The following SYT1 variants were observed in gnomAD, a reference collection of about 807,000 sequenced individuals.
SYT1 encodes synaptotagmin 1.
Under a neutral mutation model 44.8 loss-of-function variants are expected in SYT1, and 8 were observed. The ratio of observed to expected loss-of-function variants is 0.18; its 90% CI spans 0.10 to 0.32. The LOEUF is 0.32. Ranked by LOEUF, SYT1 falls within the 10% of genes least tolerant of loss-of-function variation. SYT1 has a pLI of 1.00. For missense variants in SYT1, 286 were observed against 509.3 expected (o/e 0.56, Z 4.22); for synonymous variants, 154 against 188.8 (o/e 0.82, Z 1.51).
At chr12:79,121,154 T>A (rs1879581299) in intron 3 of SYT1, among the ~76,000 whole-genome samples, 1 of 152,036 alleles carries the variant, frequency 6.6e-6, no homozygotes, top group South Asian at 2.1e-4. Flanking sequence ...AACCCCTGCC[T>A]TCTGTCTTCC....
intron 2 of SYT1, among the ~76,000 whole-genome samples, chr12:78,991,214 A>G (rs1869988139): frequency 6.6e-6 from 1 of 152,114 alleles, no homozygotes; most frequent in South Asian, 2.1e-4. Flanking sequence ...GGGAATATAT[A>G]ACATTAAAAG....
At chr12:79,348,421 T>A (rs1006912576) in intron 8 of SYT1, among the ~76,000 whole-genome samples, 1 of 152,170 alleles carries the variant, frequency 6.6e-6, no homozygotes, top group Non-Finnish European at 1.5e-5. Flanking sequence ...GGATGTTTGG[T>A]CACCCTACTT....
chr12:78,885,319 A>AGAAGGAAGGAGG (rs1555177664), intron 1 of SYT1, among the ~76,000 whole-genome samples: 18 of 142,530 alleles, frequency 1.3e-4, no homozygotes, highest in South Asian at 4.9e-4. Flanking sequence ...GAGGGAGGGA[A>AGAAGGAAGGAGG]GAAGGAAGGA....
chr12:79,099,337 A>G (rs1236906799), intron 3 of SYT1, among the ~76,000 whole-genome samples: 1 of 152,180 alleles, frequency 6.6e-6, no homozygotes, highest in Non-Finnish European at 1.5e-5. Flanking sequence ...TTTTGTCTAA[A>G]CATTATTTAT....
intron 1 of SYT1, among the ~76,000 whole-genome samples, chr12:78,949,951 G>A (rs937045921): frequency 3.9e-5 from 6 of 151,914 alleles, no homozygotes; most frequent in Admixed American, 1.3e-4. Flanking sequence ...ATAAATGTTT[G>A]TACATAGCAG....
intron 4 of SYT1, among the ~76,000 whole-genome samples, chr12:79,255,858 G>A (rs538162820): frequency 6.6e-6 from 1 of 152,232 alleles, no homozygotes; most frequent in East Asian, 1.9e-4. Context: ...TATTGTAGTG[G>A]ATAATGTGGA....
At chr12:79,179,704 G>A (rs1363008328) in intron 3 of SYT1, among the ~76,000 whole-genome samples, 1 of 151,666 alleles carries the variant, frequency 6.6e-6, no homozygotes, top group African/African-American at 2.4e-5. Flanking sequence ...ACAGGCGGGA[G>A]CCACCATGCC....
chr12:79,053,358 G>T (rs1398269014), intron 3 of SYT1, among the ~76,000 whole-genome samples: 1 of 152,156 alleles, frequency 6.6e-6, no homozygotes, highest in South Asian at 2.1e-4. Context: ...GGACTGTTGT[G>T]GGGTGGGGGG....
At chr12:79,245,810 G>C (rs530629820) in intron 4 of SYT1, among the ~76,000 whole-genome samples, 1 of 151,554 alleles carries the variant, frequency 6.6e-6, no homozygotes, top group African/African-American at 2.4e-5. Flanking sequence ...TTCAGTTCTA[G>C]AAATGTTTAA....
chr12:79,238,076 G>C (rs1353230523), intron 4 of SYT1, among the ~76,000 whole-genome samples: 2 of 152,180 alleles, frequency 1.3e-5, no homozygotes, highest in Admixed American at 1.3e-4. Flanking sequence ...ATTCCACACT[G>C]AATGAGGTAT....
intron 1 of SYT1, among the ~76,000 whole-genome samples, chr12:78,929,275 GCCTGTAGT>G (rs936074318): frequency 2.0e-5 from 3 of 151,120 alleles, no homozygotes; most frequent in African/African-American, 7.3e-5. Context: ...GGCAGCACAT[GCCTGTAGT>G]CCCAGCTACT....
At chr12:79,377,848 A>T (rs949074701) in intron 9 of SYT1, among the ~76,000 whole-genome samples, 5 of 152,224 alleles carry the variant, frequency 3.3e-5, no homozygotes, top group African/African-American at 1.2e-4. Context: ...TTAGGGACAT[A>T]TTAAGCCTAT....
intron 3 of SYT1, among the ~76,000 whole-genome samples, chr12:79,171,701 C>T (rs1871533561): frequency 6.6e-6 from 1 of 151,822 alleles, no homozygotes; most frequent in Non-Finnish European, 1.5e-5. Flanking sequence ...ATGATTAGAA[C>T]CATAAGTTCT....
At chr12:79,314,934 G>A (rs1472168956) in intron 8 of SYT1, among the ~76,000 whole-genome samples, 1 of 152,134 alleles carries the variant, frequency 6.6e-6, no homozygotes, top group East Asian at 1.9e-4. Context: ...AGCCAAAATA[G>A]GCAAATCCAC....
chr12:79,048,048 A>G (rs1514922), intron 3 of SYT1, among the ~76,000 whole-genome samples: 7,602 of 151,990 alleles, frequency 0.05, 278 homozygotes, highest in Non-Finnish European at 0.079. Context: ...GAATATGAAG[A>G]ACAATAACAT....
At chr12:79,379,343 A>G (rs1364798894) in intron 9 of SYT1, among the ~76,000 whole-genome samples, 1 of 152,088 alleles carries the variant, frequency 6.6e-6, no homozygotes, top group Non-Finnish European at 1.5e-5. Context: ...ATTTCTGGGT[A>G]ATGATTCAAG....
At chr12:79,191,866 G>A (rs762035451) in intron 3 of SYT1, among the ~76,000 whole-genome samples, 96 of 151,992 alleles carry the variant, frequency 6.3e-4, no homozygotes, top group Admixed American at 1.7e-3. Context: ...AAATGGTGAC[G>A]GCCATGAGCA....
At chr12:79,310,684 A>G (rs953449252) in intron 8 of SYT1, among the ~76,000 whole-genome samples, 9 of 152,052 alleles carry the variant, frequency 5.9e-5, no homozygotes, top group African/African-American at 1.7e-4. Flanking sequence ...ATCCTCTTTT[A>G]TTTCATTGAG....
Position 79,196,711 on chromosome 12 carries a change from G to A in SYT1, c.-17-20792G>A, listed in dbSNP as rs139582484. Among the ~76,000 whole-genome samples, 105 of 152,200 alleles carry A rather than the reference G, an allele frequency of 6.9e-4. 3 individuals carry two copies. In the East Asian group the frequency reaches 0.017, roughly 24 times the overall value. ...GTGATTGATTGATAGTTTCCCTCTT[G>A]TTGCTACATACAGCCCAATGACATG... is the stretch of plus-strand genomic sequence containing the variant. On this transcript the variant is annotated intron_variant, in intron 3 of 10. Coordinates refer to ENST00000261205, the MANE Select transcript of SYT1 (RefSeq NM_005639.3).
Sources: allele counts gnomAD v4.1 joint callset (sites outside exome capture counted in the v4.1 genomes callset), GRCh38; gene constraint gnomAD v4.1.1; transcripts MANE v1.5; gene names NCBI Gene and HGNC (gene_info 2026-07-23, HGNC 2026-07-21).